The following LAMA5 variants were observed in gnomAD, a reference collection of about 807,000 sequenced individuals.
LAMA5 encodes the protein laminin subunit alpha-5.
Under a neutral mutation model 433.4 loss-of-function variants are expected in LAMA5, and 260 were observed. The ratio of observed to expected loss-of-function variants is 0.60; its 90% CI spans 0.54 to 0.66. The LOEUF (loss-of-function observed/expected upper bound fraction) is 0.66. Among genes scored for constraint, LAMA5 ranks in the 30% least tolerant of loss-of-function variants. The pLI, the probability that LAMA5 is intolerant of heterozygous loss-of-function variation, is 0.00. For missense variants in LAMA5, 5,378 were observed against 5,258.5 expected, an observed-to-expected ratio of 1.02 and a Z score of -0.70; for synonymous variants, 2,620 against 2,226.6, an observed-to-expected ratio of 1.18 and a Z score of -4.97.
chr20:62,330,651 G>T (rs767761665), intron 30 of LAMA5, 37 bp from the exon 31 acceptor site: 3 of 1,573,410 alleles, frequency 1.9e-6, no homozygotes, highest in Middle Eastern at 3.3e-4. Flanking sequence ...GCTGAGCTAT[G>T]AGCCCCTGCT....
At chr20:62,362,592 C>A in intron 1 of LAMA5, 40 bp from the exon 2 acceptor site, 1 of 1,447,470 alleles carries the variant, frequency 6.9e-7, no homozygotes, top group Non-Finnish European at 9.1e-7. Context: ...CGAGAAGGGC[C>A]GGGGCCCCCT....
chr20:62,330,570 A>G lies in LAMA5; in HGVS notation c.3897T>C (p.Tyr1299=), dbSNP rs1308968974. 2 of 1,593,108 alleles carry G rather than the reference A, an allele frequency of 1.3e-6. No homozygotes were observed. Among genetic ancestry groups the G allele is most frequent in the East Asian group, 2.3e-5 (1 of 44,188 alleles). Residue 1299 remains tyrosine (Y), a synonymous_variant, in exon 31 of 80, where the codon TAT becomes TAC. Coordinates refer to ENST00000252999, the MANE Select transcript of LAMA5 (RefSeq NM_005560.6). ...GCTGGTAGCCGTGCAGCAGGAAGGC[A>G]TAGCGGCCCAGCGTGGGCACATGGG... The part of the protein sequence containing the change: ...FTTHVPTLGR[Y]AFLLHGYQPA...
Position 62,312,470 on chromosome 20 carries a change from A to G in LAMA5, c.9290T>C (p.Leu3097Pro), listed in dbSNP as rs1447858093. The G allele has an allele frequency of 6.3e-7, 1 of 1,598,394 alleles. No homozygotes were observed. Among genetic ancestry groups the G allele is most frequent in the Non-Finnish European group, 8.5e-7 (1 of 1,179,636 alleles). Reference protein sequence around the residue: ...VRGCVKGIKALGKYVDLKRLN... With the variant: ...VRGCVKGIKAPGKYVDLKRLN... The stretch of plus-strand genomic sequence containing the variant: ...CCGCTTGAGGTCCACATACTTGCCC[A>G]GGGCCTTGATGCCTTTGACGCAGCC... The change falls in exon 68 of 80, where the codon CTG becomes CCG. Residue 3097 changes from leucine to proline, a missense_variant. Physicochemically the swap from Leu to Pro is moderately conservative, Grantham distance 98. Coordinates refer to ENST00000252999, the MANE Select transcript of LAMA5 (RefSeq NM_005560.6).
In LAMA5 at chr20:62,323,765, C is replaced by A. The variant is rs374881117; in HGVS notation, c.5849+11G>T. 1.4e-4 allele frequency: 227 copies of A among 1,608,316 alleles called. 1 individual carries two copies. In the African/African-American group the frequency reaches 2.4e-3, roughly 17 times the overall value. On this transcript the variant is annotated intron_variant, in intron 44 of 79. Coordinates refer to ENST00000252999, the MANE Select transcript of LAMA5 (RefSeq NM_005560.6). ...CTCAGGCCCTGCCCCACTGCCCTAGCCCCAGCTCACCGCTCGCAGGAGGCA... is the reference window on the plus strand; with the variant it reads ...CTCAGGCCCTGCCCCACTGCCCTAGACCCAGCTCACCGCTCGCAGGAGGCA...
Position 62,336,337 on chromosome 20 carries a change from C to G in LAMA5, c.2323+3G>C. The G allele has an allele frequency of 6.2e-7, 1 of 1,601,642 alleles. No individual in the cohort carries two copies. Among genetic ancestry groups the G allele is most frequent in the South Asian group, 1.1e-5 (1 of 90,118 alleles). On this transcript the variant is annotated splice_donor_region_variant and intron_variant, in intron 18 of 79. Coordinates refer to ENST00000252999, the MANE Select transcript of LAMA5 (RefSeq NM_005560.6). ...GTACCCCAATACTCCAGGGCACACT[C>G]ACGGGTACAGCCCTCGGGGTTGCTG...
intron 3 of LAMA5, 80 bp from the exon 4 acceptor site, chr20:62,352,440 C>A: frequency 9.3e-7 from 1 of 1,073,688 alleles, no homozygotes; most frequent in Non-Finnish European, 1.4e-6. Context: ...CCCTTGACGT[C>A]TCCGGGCCTT....
rs139530736 is a variant in LAMA5 at position 62,325,537 on chromosome 20, G to A, written c.5308C>T (p.Arg1770Trp). ...ACAGTGTTGCGCGTCTCCGTATGCC[G>A]GAAGTTCCCCTGTGGGTCCAGGATG... ...GQLQLVEGNF[R>W]HTETRNTVSR... The change falls in exon 41 of 80, where the codon CGG becomes TGG. Residue 1770 changes from arginine to tryptophan, a missense_variant. Transcript: ENST00000252999. The A allele has an allele frequency of 1.8e-4, 286 of 1,606,126 alleles. 1 individual carries two copies. Among genetic ancestry groups the A allele is most frequent in the South Asian group, 3.8e-4 (34 of 90,230 alleles).
In LAMA5 at chr20:62,310,441, G is replaced by A. The variant is rs1986113164; in HGVS notation, c.10578C>T (p.Gly3526=). Residue 3526 remains glycine, a synonymous_variant, in exon 76 of 80, where the codon GGC becomes GGT. Transcript: ENST00000252999. ...GACCTAAAGTGATAACTCCCCCGCT[G>A]CCTGGGAAGAACAGGCCCGCCTCCA... ...GPLEAGLFFP[G]SGGVITLDLP... is the part of the protein sequence containing the mutation. 4.4e-6 allele frequency: 7 copies of A among 1,604,610 alleles called. No individual in the cohort carries two copies. In the African/African-American group the frequency reaches 6.7e-5, roughly 15 times the overall value.
At chr20:62,316,372 T>C (rs1221241363) in intron 57 of LAMA5, 3 of 543,450 alleles carry the variant, frequency 5.5e-6, no homozygotes, top group Non-Finnish European at 9.9e-6. Context: ...TTGGCACGCG[T>C]GTAGCCCTCG....
Position 62,313,085 on chromosome 20 carries a change from C to A in LAMA5, c.8955+3G>T. 1.2e-6 allele frequency: 2 copies of A among 1,608,918 alleles called. No individual in the cohort carries two copies. Among genetic ancestry groups the A allele is most frequent in the Non-Finnish European group, 8.5e-7 (1 of 1,179,124 alleles). ...GATGGCAGGACGGGTGTGCCTGGCG[C>A]ACCTGCTGCTTCAGGAAGAAGAGCA... On this transcript the variant is annotated splice_donor_region_variant and intron_variant, in intron 65 of 79. Transcript: ENST00000252999.
In LAMA5 at chr20:62,309,761, C is replaced by T; in HGVS notation, c.10903G>A (p.Ala3635Thr). 1.9e-6 allele frequency: 3 copies of T among 1,605,210 alleles called. No individual in the cohort carries two copies. Among genetic ancestry groups the T allele is most frequent in the Non-Finnish European group, 2.5e-6 (3 of 1,177,748 alleles). Reference protein sequence around the residue: ...SNHTVGPLLAAAAGAPAPLYL... With the variant: ...SNHTVGPLLATAAGAPAPLYL... Reference sequence around the variant, plus strand: ...AGAGGGGCTGGGGCACCAGCTGCAGCCGCCAGCAAGGGGCCCACGGTGTGG... The same window carrying T: ...AGAGGGGCTGGGGCACCAGCTGCAGTCGCCAGCAAGGGGCCCACGGTGTGG... Residue 3635 changes from alanine to threonine, a missense_variant, in exon 79 of 80, where the codon GCT (alanine) becomes ACT (threonine). Physicochemically the swap from Ala to Thr is moderately conservative, Grantham distance 58. Transcript: ENST00000252999.
At chr20:62,351,867 C>A (rs749956502) in intron 5 of LAMA5, 42 bp downstream of exon 5, 8 of 1,576,218 alleles carry the variant, frequency 5.1e-6, no homozygotes, top group Middle Eastern at 3.3e-4. Flanking sequence ...CCGGGTCCAC[C>A]CGGCCAGTCC....
chr20:62,342,417 C>G (rs1982738976), intron 11 of LAMA5: 3 of 239,602 alleles, frequency 1.3e-5, no homozygotes, highest in Non-Finnish European at 2.6e-5. Flanking sequence ...GTGGCTCACA[C>G]CTGTAATCCC....
Position 62,359,434 on chromosome 20 carries a change from C to T in LAMA5, c.450+2966G>A, listed in dbSNP as rs1411072042. On this transcript the variant is annotated intron_variant, in intron 2 of 79. Transcript: ENST00000252999. The surrounding 1 kb of genome is among the most constrained non-coding windows in gnomAD (Gnocchi z 4.3). ...GGAGCTCAAGCCAGGACCCGCTGGC[C>T]ATGTGCCTGGGCAGTCATGAACGCG... 1.3e-5 allele frequency among the ~76,000 whole-genome samples: 2 copies of T among 152,040 alleles called. No individual in the cohort carries two copies. Among genetic ancestry groups the T allele is most frequent in the Non-Finnish European group, 2.9e-5 (2 of 68,000 alleles).
intron 1 of LAMA5, among the ~76,000 whole-genome samples, chr20:62,365,555 C>T (rs985115137): frequency 3.3e-5 from 5 of 152,142 alleles, no homozygotes; most frequent in Admixed American, 6.5e-5. Context: ...CCTGCCAGAA[C>T]GGCAAAATCT....
At chr20:62,329,620 T>C (rs1258499192) in intron 32 of LAMA5, among the ~76,000 whole-genome samples, 157 bp downstream of exon 32, 4 of 151,612 alleles carry the variant, frequency 2.6e-5, no homozygotes, top group African/African-American at 7.3e-5. Context: ...CCTCACAAGG[T>C]GGATCGGGAG....
chr20:62,362,544 G>C lies in LAMA5; in HGVS notation c.306C>G (p.Tyr102Ter). The change falls in exon 2 of 80, where the codon TAC becomes TAG. Residue 102 changes from tyrosine (Y) to a stop codon, truncating the protein, a stop_gained. Transcript: ENST00000252999. LOFTEE classifies it high-confidence loss of function. ...GDPNQTIRGQ[Y>*]CDICTAANSN... ...TGTTGGCAGCCGTGCAGATGTCACA[G>C]TACTGGCCCTGCAGAGGGAACGGGA... 6.4e-7 allele frequency: 1 copy of C among 1,571,596 alleles called. No individual in the cohort carries two copies. Among genetic ancestry groups the C allele is most frequent in the Non-Finnish European group, 8.7e-7 (1 of 1,155,876 alleles).
Position 62,332,447 on chromosome 20 carries a change from C to T in LAMA5, c.3477G>A (p.Gln1159=). Residue 1159 remains glutamine (Q), a synonymous_variant, in exon 28 of 80, where the codon CAG becomes CAA. Transcript: ENST00000252999. ...TLCRGTARDT[Q]DHLAVFHLDS... The stretch of plus-strand genomic sequence containing the variant: ...CCAGGTGGAAGACAGCCAGGTGGTC[C>T]TGGGTATCCCGGGCAGTGCCCCGGC... The T allele has an allele frequency of 6.2e-7, 1 of 1,612,744 alleles. No homozygotes were observed. Among genetic ancestry groups the T allele is most frequent in the Non-Finnish European group, 8.5e-7 (1 of 1,179,960 alleles).
In LAMA5 at chr20:62,317,722, C is replaced by G; in HGVS notation, c.7296G>C (p.Ala2432=). 1.2e-6 allele frequency: 2 copies of G among 1,607,166 alleles called. No individual in the cohort carries two copies. Among genetic ancestry groups the G allele is most frequent in the Non-Finnish European group, 1.7e-6 (2 of 1,177,744 alleles). Residue 2432 remains alanine (A), a synonymous_variant, in exon 54 of 80, where the codon GCG becomes GCC. Transcript: ENST00000252999. ...AGACGCTGGCCAGGGTGTCCCTAGC[C>G]GCATGCAGAGTGGCCTGCAGGGTGG... ...DNATLQATLH[A]ARDTLASVFR...
Sources: gnomAD v4.1 joint callset for allele counts (sites outside exome capture counted in the v4.1 genomes callset) on GRCh38, gnomAD v4.1.1 for gene constraint, Gnocchi (gnomAD v3.1) non-coding constraint, MANE v1.5 for transcripts, NCBI Gene and HGNC (gene_info 2026-07-23, HGNC 2026-07-21) for gene names.